TMEM37: variants seen among roughly 807,000 people sequenced by gnomAD.
TMEM37 encodes voltage-dependent calcium channel gamma-like subunit.
A neutral mutation model predicts 11.0 loss-of-function variants in TMEM37; 12 were observed. The observed-to-expected ratio is 1.09, with a 90% CI of 0.70 to 1.76. The LOEUF is 1.76. Ranked by LOEUF, TMEM37 falls within the 40% of genes most tolerant of loss-of-function variation. The pLI is 0.00. For synonymous variants in TMEM37, 127 were observed against 110.5 expected (o/e 1.15, Z -0.94); for missense variants, 203 against 251.2 (o/e 0.81, Z 1.30).
At chr2:119,432,184 C>T (rs1682414817) in intron 1 of TMEM37, 2 of 365,398 alleles carry the variant, frequency 5.5e-6, no homozygotes, top group East Asian at 7.9e-5. Context: ...GCCTTGCAAG[C>T]ACCCGAGGCT....
intron 1 of TMEM37, among the ~76,000 whole-genome samples, chr2:119,434,958 GTATT>G (rs1265908359): frequency 6.6e-6 from 1 of 152,186 alleles, no homozygotes; most frequent in East Asian, 1.9e-4. Flanking sequence ...GCCCTAGTCA[GTATT>G]TATTCGCTGA....
chr2:119,437,383 C>G lies in TMEM37; in HGVS notation c.516C>G (p.Leu172=). ...FWCEFTASFL[L]FLNAISGLHI... The stretch of plus-strand genomic sequence containing the variant: ...GCGAATTCACTGCCTCCTTCCTCCT[C>G]TTCCTGAACGCCATCAGCGGCCTTC... The change falls in exon 2 of 2, where the codon CTC becomes CTG. Residue 172 remains leucine (L), a synonymous_variant. Coordinates refer to ENST00000306406, the MANE Select transcript of TMEM37 (RefSeq NM_183240.3). 6.2e-6 allele frequency: 10 copies of G among 1,614,250 alleles called. No homozygotes were observed. The highest frequency in any genetic ancestry group is 8.5e-6 in the Non-Finnish European group (10 of 1,180,044).
At chr2:119,429,917 G>A (rs1431099688), upstream of TMEM37, 1 of 1,550,464 alleles carries the variant, frequency 6.4e-7, no homozygotes, top group Non-Finnish European at 8.7e-7. Flanking sequence ...GGAGAAGGCA[G>A]TGGGTGCAGA....
At chr2:119,430,288 G>A, upstream of TMEM37, 1 of 606,020 alleles carries the variant, frequency 1.7e-6, no homozygotes, top group Non-Finnish European at 3.2e-6. Flanking sequence ...AACATCACTT[G>A]AGGCCACTCA....
Position 119,437,688 on chromosome 2 carries a change from T to G in TMEM37, c.*248T>G. 1.9e-6 allele frequency: 1 copy of G among 531,072 alleles called. No homozygotes were observed. Among genetic ancestry groups the G allele is most frequent in the Non-Finnish European group, 3.3e-6 (1 of 304,778 alleles). The allele number at this position is 531,072 out of a possible 1,614,324, so 32.9% of individuals were successfully genotyped here. A position where few individuals can be genotyped will look rare whatever the true frequency, so the allele number is the denominator to read the frequency against. On this transcript the variant is annotated 3_prime_UTR_variant, in exon 2 of 2. Transcript: ENST00000306406. Reference sequence around the variant, plus strand: ...CCAACTGCACAGGCTTAGCCAGATGTTGATTTTAGAGGAAGAAAAAAACAT... The same window carrying G: ...CCAACTGCACAGGCTTAGCCAGATGGTGATTTTAGAGGAAGAAAAAAACAT...
intron 1 of TMEM37, among the ~76,000 whole-genome samples, chr2:119,434,041 G>A (rs1293415585): frequency 6.6e-6 from 1 of 152,112 alleles, no homozygotes; most frequent in Non-Finnish European, 1.5e-5. Flanking sequence ...GGGCAGGAGC[G>A]GGAGGAAACT....
chr2:119,431,971 T>G, intron 1 of TMEM37, 47 bp downstream of exon 1: 11 of 1,114,066 alleles, frequency 9.9e-6, no homozygotes, highest in Non-Finnish European at 1.2e-5. Context: ...TGCCCCGCCG[T>G]GGGAGGTTGG....
chr2:119,430,324 G>A (rs1430494027), upstream of TMEM37: 1 of 541,088 alleles, frequency 1.8e-6, no homozygotes, highest in Admixed American at 2.2e-5. Context: ...GTGGGGCCTC[G>A]CAATCTGTTT....
In TMEM37 at chr2:119,437,551, C is replaced by T. The variant is rs887831975; in HGVS notation, c.*111C>T. On this transcript the variant is annotated 3_prime_UTR_variant, in exon 2 of 2. Coordinates refer to ENST00000306406, the MANE Select transcript of TMEM37 (RefSeq NM_183240.3). ...TGGTGGGGCTGGGTTGGACAAGGGC[C>T]TTGAAACGGCTGCCTGTTTGCCGAT... 9 of 1,359,786 alleles carry T rather than the reference C, an allele frequency of 6.6e-6. No homozygotes were observed. The African/African-American group carries it at 1.2e-4, about 18-fold the overall frequency. The allele number at this position is 1,359,786 out of a possible 1,614,324, so 84.2% of individuals were successfully genotyped here. A position where few individuals can be genotyped will look rare whatever the true frequency, so the allele number is the denominator to read the frequency against.
chr2:119,434,936 T>G (rs1682469904), intron 1 of TMEM37, among the ~76,000 whole-genome samples: 1 of 152,202 alleles, frequency 6.6e-6, no homozygotes, highest in African/African-American at 2.4e-5. Flanking sequence ...ACAAAGGCCC[T>G]GTCCTTAGAA....
rs952084093 is a variant in TMEM37, at chr2:119,437,220, A to G, written c.353A>G (p.Lys118Arg). ...FLMVSQLCED[K>R]HSQCKWVMGS... Reference sequence around the variant, plus strand: ...ATGGTGTCCCAGTTGTGCGAGGACAAACACTCACAGTGCAAGTGGGTCATG... The same window carrying G: ...ATGGTGTCCCAGTTGTGCGAGGACAGACACTCACAGTGCAAGTGGGTCATG... The change falls in exon 2 of 2, where the codon AAA (lysine) becomes AGA (arginine). Residue 118 changes from lysine to arginine, a missense_variant. Lys to Arg is a conservative substitution (Grantham distance 26, BLOSUM62 2). Coordinates refer to ENST00000306406, the MANE Select transcript of TMEM37 (RefSeq NM_183240.3). 1.9e-6 allele frequency: 3 copies of G among 1,614,184 alleles called. No homozygotes were observed. The highest frequency in any genetic ancestry group is 2.7e-5 in the African/African-American group (2 of 75,040).
chr2:119,430,064 C>A (rs371340679), upstream of TMEM37: 1 of 1,173,718 alleles, frequency 8.5e-7, no homozygotes, highest in Non-Finnish European at 1.2e-6. Flanking sequence ...ACCCCCGCAA[C>A]AGGACAGGTC....
At chr2:119,433,048 A>AT (rs1682434476) in intron 1 of TMEM37, among the ~76,000 whole-genome samples, 2 of 152,224 alleles carry the variant, frequency 1.3e-5, no homozygotes, top group African/African-American at 4.8e-5. Flanking sequence ...GCATGGTGGG[A>AT]CAGACCAGGT....
intron 1 of TMEM37, among the ~76,000 whole-genome samples, chr2:119,432,801 A>G (rs1047790850): frequency 9.2e-5 from 14 of 152,178 alleles, no homozygotes; most frequent in African/African-American, 3.1e-4. Context: ...CGAGACTCAG[A>G]AGTAAGGTGC....
At chr2:119,431,982 G>GGGTGGGAGGACGGC in intron 1 of TMEM37, 58 bp downstream of exon 1, 1 of 1,134,508 alleles carries the variant, frequency 8.8e-7, no homozygotes, top group Non-Finnish European at 1.1e-6. Flanking sequence ...GGGAGGTTGG[G>GGGTGGGAGGACGGC]GGTGGGAGGA....
Position 119,431,896 on chromosome 2 carries a change from G to C in TMEM37, c.-8G>C, listed in dbSNP as rs866868465. ...GATCGAGGCTGCAGCGCGGCCGCCG[G>C]GCGCAGCATGACTGCCGTCGGCGTG... On this transcript the variant is annotated 5_prime_UTR_variant, in exon 1 of 2. Transcript: ENST00000306406. 8.2e-6 allele frequency: 10 copies of C among 1,226,706 alleles called. No individual in the cohort carries two copies. The African/African-American group carries it at 1.6e-4, about 19-fold the overall frequency. The allele number at this position is 1,226,706 out of a possible 1,614,324, so 76.0% of individuals were successfully genotyped here. A position where few individuals can be genotyped will look rare whatever the true frequency, so the allele number is the denominator to read the frequency against.
chr2:119,436,375 C>A (rs947882953), intron 1 of TMEM37, among the ~76,000 whole-genome samples: 3 of 152,054 alleles, frequency 2.0e-5, no homozygotes, highest in African/African-American at 4.8e-5. Context: ...GGACAGCTCC[C>A]GAATCATCAG....
At chr2:119,430,854 C>T (rs369561299), upstream of TMEM37, among the ~76,000 whole-genome samples, 5 of 152,262 alleles carry the variant, frequency 3.3e-5, no homozygotes, top group East Asian at 9.7e-4. Flanking sequence ...AACTCAGATC[C>T]GGCCGGATGC....
chr2:119,437,674 G>C lies in TMEM37; in HGVS notation c.*234G>C, dbSNP rs1682531418. The C allele has an allele frequency of 5.4e-6, 3 of 556,352 alleles. No homozygotes were observed. The Admixed American group carries it at 1.0e-4, about 19-fold the overall frequency. The allele number at this position is 556,352 out of a possible 1,614,324, so 34.5% of individuals were successfully genotyped here. ...GTGCCTCAGTGCCACCAACTGCACA[G>C]GCTTAGCCAGATGTTGATTTTAGAG... On this transcript the variant is annotated 3_prime_UTR_variant, in exon 2 of 2. Coordinates refer to ENST00000306406, the MANE Select transcript of TMEM37 (RefSeq NM_183240.3).
Sources: allele counts gnomAD v4.1 joint callset (sites outside exome capture counted in the v4.1 genomes callset), GRCh38; gene constraint gnomAD v4.1.1; transcripts MANE v1.5; gene names NCBI Gene and HGNC (gene_info 2026-07-23, HGNC 2026-07-21).